The following KCNAB1 variants were observed in gnomAD, a reference collection of about 807,000 sequenced individuals.
The protein encoded by KCNAB1 is potassium voltage-gated channel subfamily A regulatory beta subunit 1.
In KCNAB1, 35 loss-of-function variants were observed where a neutral mutation model predicts 64.6. The observed-to-expected ratio is 0.54, with a 90% CI of 0.41 to 0.72. The LOEUF is 0.72. Among genes scored for constraint, KCNAB1 ranks in the 30% least tolerant of loss-of-function variants. The pLI is 0.00. For synonymous variants in KCNAB1, 177 were observed against 183.8 expected (o/e 0.96, Z 0.30); for missense variants, 401 against 512.9 (o/e 0.78, Z 2.11).
In KCNAB1 at chr3:156,519,619, A is replaced by G. The variant is rs574203547; in HGVS notation, c.960+3255A>G. 1.5e-4 allele frequency among the ~76,000 whole-genome samples: 23 copies of G among 152,316 alleles called. No homozygotes were observed. In the South Asian group the frequency reaches 4.3e-3, roughly 29 times the overall value. ...AATCTGATCAGAGAATGGGGACTCT[A>G]TTGGTTCACAAAGACAATCCTTGAG... On this transcript the variant is annotated intron_variant, in intron 11 of 13. Coordinates refer to ENST00000490337, the MANE Select transcript of KCNAB1 (RefSeq NM_172160.3).
intron 1 of KCNAB1, among the ~76,000 whole-genome samples, chr3:156,211,061 TCAAA>T (rs758989518): frequency 6.6e-6 from 1 of 152,076 alleles, no homozygotes; most frequent in African/African-American, 2.4e-5. Flanking sequence ...GTGTTTGGTG[TCAAA>T]CAGAGATTTG....
intron 1 of KCNAB1, chr3:156,382,085 C>T (rs959916335): frequency 1.3e-5 from 2 of 152,144 alleles, no homozygotes; most frequent in Non-Finnish European, 1.5e-5. Flanking sequence ...TAAAGTTCCC[C>T]AACACACTGC....
chr3:156,209,305 A>G (rs1313011189), intron 1 of KCNAB1, among the ~76,000 whole-genome samples: 1 of 152,214 alleles, frequency 6.6e-6, no homozygotes, highest in African/African-American at 2.4e-5. Flanking sequence ...CAAAGGTACT[A>G]TGGCAGGGAA....
chr3:156,518,079 T>C lies in KCNAB1; in HGVS notation c.960+1715T>C, dbSNP rs138934227. On this transcript the variant is annotated intron_variant, in intron 11 of 13. Transcript: ENST00000490337. ...GAAAAGCTTGCAAACAGCTGAAAAA[T>C]CTTTCACAAATTCACTAGTGAAAGG... 8.3e-4 allele frequency among the ~76,000 whole-genome samples: 127 copies of C among 152,202 alleles called. 4 individuals are homozygous for C. The South Asian group carries it at 0.026, about 31-fold the overall frequency.
intron 1 of KCNAB1, among the ~76,000 whole-genome samples, chr3:156,231,806 C>T (rs1188074556): frequency 7.2e-5 from 11 of 151,970 alleles, no homozygotes; most frequent in East Asian, 5.8e-4. Flanking sequence ...GCCTGGAAGC[C>T]GCCACTTTGA....
At chr3:156,458,418 A>C (rs542337918) in intron 4 of KCNAB1, among the ~76,000 whole-genome samples, 12 of 152,340 alleles carry the variant, frequency 7.9e-5, no homozygotes, top group African/African-American at 2.9e-4. Flanking sequence ...ACAGCTCTGC[A>C]ATTTTCTAAC....
chr3:156,434,635 T>G (rs188758930), intron 2 of KCNAB1, among the ~76,000 whole-genome samples: 3 of 152,042 alleles, frequency 2.0e-5, no homozygotes, highest in Admixed American at 6.5e-5. Context: ...AAGGAAAAGG[T>G]CAAAGATAAA....
chr3:156,283,704 A>G (rs1719892352), intron 1 of KCNAB1, among the ~76,000 whole-genome samples: 1 of 151,312 alleles, frequency 6.6e-6, no homozygotes, highest in African/African-American at 2.4e-5. Flanking sequence ...CTCTCGCTTC[A>G]TTTCATTCAT....
At chr3:156,525,832 A>G (rs1188407205) in intron 12 of KCNAB1, among the ~76,000 whole-genome samples, 1 of 152,208 alleles carries the variant, frequency 6.6e-6, no homozygotes, top group Non-Finnish European at 1.5e-5. Flanking sequence ...TTTTAAATTA[A>G]AAGTTTATAA....
intron 1 of KCNAB1, among the ~76,000 whole-genome samples, chr3:156,260,232 C>A (rs910580691): frequency 6.6e-6 from 1 of 152,140 alleles, no homozygotes; most frequent in Non-Finnish European, 1.5e-5. Flanking sequence ...TCTCTCTTAG[C>A]AAACCATGTT....
intron 8 of KCNAB1, among the ~76,000 whole-genome samples, chr3:156,476,918 T>C (rs1175096603): frequency 6.6e-6 from 1 of 152,170 alleles, no homozygotes; most frequent in Non-Finnish European, 1.5e-5. Flanking sequence ...ATTTTCCTCT[T>C]TTAGACAGTG....
chr3:156,298,167 T>C (rs1315132133), intron 1 of KCNAB1, among the ~76,000 whole-genome samples: 1 of 152,114 alleles, frequency 6.6e-6, no homozygotes, highest in Non-Finnish European at 1.5e-5. Flanking sequence ...CTGGCATCCA[T>C]GGGATGGTGA....
At chr3:156,405,332 C>T (rs1468475365) in intron 1 of KCNAB1, among the ~76,000 whole-genome samples, 2 of 152,222 alleles carry the variant, frequency 1.3e-5, no homozygotes, top group Non-Finnish European at 2.9e-5. Context: ...ATTGTTACTG[C>T]AGGGGCCAGA....
chr3:156,261,534 A>G (rs1718430827), intron 1 of KCNAB1, among the ~76,000 whole-genome samples: 1 of 152,038 alleles, frequency 6.6e-6, no homozygotes, highest in Non-Finnish European at 1.5e-5. Flanking sequence ...TCATTGTCAA[A>G]AGTTAAGGTT....
chr3:156,148,337 A>C (rs1715179453), intron 1 of KCNAB1, among the ~76,000 whole-genome samples: 2 of 152,182 alleles, frequency 1.3e-5, no homozygotes, highest in Non-Finnish European at 2.9e-5. Context: ...ATGAGGACTA[A>C]AACTTATATT....
intron 1 of KCNAB1, among the ~76,000 whole-genome samples, chr3:156,296,839 G>T (rs1720816726): frequency 6.6e-6 from 1 of 152,094 alleles, no homozygotes; most frequent in Non-Finnish European, 1.5e-5. Context: ...TAAATTTACA[G>T]AAGTTTGCAA....
chr3:156,201,174 A>G (rs955713219), intron 1 of KCNAB1, among the ~76,000 whole-genome samples: 8 of 152,184 alleles, frequency 5.3e-5, no homozygotes, highest in Non-Finnish European at 7.3e-5. Flanking sequence ...AATGAGATGA[A>G]CCAAGTACCT....
intron 1 of KCNAB1, among the ~76,000 whole-genome samples, chr3:156,314,112 G>C (rs758363675): frequency 6.6e-6 from 1 of 152,198 alleles, no homozygotes; most frequent in Non-Finnish European, 1.5e-5. Flanking sequence ...ACTCCTGCAG[G>C]GCAGGGATCC....
At chr3:156,199,422 G>A (rs959875776) in intron 1 of KCNAB1, among the ~76,000 whole-genome samples, 1 of 152,150 alleles carries the variant, frequency 6.6e-6, no homozygotes. Flanking sequence ...TTCCAACTTG[G>A]TTCCATTCTC....
Sources: allele counts gnomAD v4.1 joint callset (sites outside exome capture counted in the v4.1 genomes callset), GRCh38; gene constraint gnomAD v4.1.1; transcripts MANE v1.5; gene names NCBI Gene and HGNC (gene_info 2026-07-23, HGNC 2026-07-21).